PTK2: variants seen among roughly 807,000 people sequenced by gnomAD.
PTK2 encodes the protein protein tyrosine kinase 2.
Under a neutral mutation model 150.1 loss-of-function variants are expected in PTK2, and 45 were observed. That is an observed-to-expected ratio of 0.30 (90% CI 0.24 to 0.38). The LOEUF is 0.38. Among genes scored for constraint, PTK2 ranks in the 10% least tolerant of loss-of-function variants. The probability of loss-of-function intolerance (pLI) is 1.00; values close to 1 mark genes in which losing one functional copy is unlikely to be tolerated. For missense variants in PTK2, 919 were observed against 1,307.3 expected, an observed-to-expected ratio of 0.70 and a Z score of 4.58; for synonymous variants, 432 against 449.2, an observed-to-expected ratio of 0.96 and a Z score of 0.48.
intron 4 of PTK2, among the ~76,000 whole-genome samples, chr8:140,874,748 C>T (rs1397792062): frequency 6.6e-6 from 1 of 152,104 alleles, no homozygotes; most frequent in Non-Finnish European, 1.5e-5. Context: ...ACACAGTAAA[C>T]AACATGTGTT....
chr8:140,820,841 T>G (rs1192966409), intron 8 of PTK2: 1 of 152,122 alleles, frequency 6.6e-6, no homozygotes, highest in African/African-American at 2.4e-5. Context: ...GGAAGATGGA[T>G]TAGGTGACCT....
chr8:140,661,255 G>A (rs930515410), intron 31 of PTK2, among the ~76,000 whole-genome samples: 7 of 152,184 alleles, frequency 4.6e-5, no homozygotes, highest in East Asian at 1.9e-4. Context: ...GGCTCTTGGC[G>A]GCAATGTGGA....
At chr8:140,960,686 T>C (rs1399912922) in intron 1 of PTK2, among the ~76,000 whole-genome samples, 1 of 152,112 alleles carries the variant, frequency 6.6e-6, no homozygotes, top group African/African-American at 2.4e-5. Flanking sequence ...ATCTTGTATT[T>C]AACGTATCAT....
Position 140,838,777 on chromosome 8 carries a change from C to T in PTK2, c.593+7483G>A, listed in dbSNP as rs190711863. Among the ~76,000 whole-genome samples, 688 of 152,164 alleles carry T rather than the reference C, an allele frequency of 4.5e-3. 4 individuals are homozygous for T. Among genetic ancestry groups the T allele is most frequent in the African/African-American group, 0.016 (648 of 41,544 alleles). ...AGCCCAGCACTTTGGGAGGCCGAGGCGGGCGGATCACAAGGTCAGGAGATC... is the reference window on the plus strand; with the variant it reads ...AGCCCAGCACTTTGGGAGGCCGAGGTGGGCGGATCACAAGGTCAGGAGATC... On this transcript the variant is annotated intron_variant, in intron 7 of 31. Coordinates refer to ENST00000522684, the Ensembl canonical transcript of PTK2.
intron 1 of PTK2, chr8:141,000,914 A>T (rs1197177865): frequency 6.8e-6 from 1 of 146,274 alleles, no homozygotes; most frequent in Admixed American, 6.7e-5. Flanking sequence ...GAGGGCCCCC[A>T]ACCTCCTCAC....
chr8:140,800,405 C>T, intron 12 of PTK2, 54 bp downstream of exon 12: 1 of 1,409,554 alleles, frequency 7.1e-7, no homozygotes, highest in Non-Finnish European at 1.0e-6. Flanking sequence ...GGGGCAAGCA[C>T]AGCTAAATAT....
intron 5 of PTK2, among the ~76,000 whole-genome samples, chr8:140,858,415 A>G (rs776860395): frequency 2.9e-4 from 44 of 151,580 alleles, no homozygotes; most frequent in Admixed American, 1.3e-4. Flanking sequence ...GACACAGATC[A>G]AGCAAGGGCA....
intron 1 of PTK2, among the ~76,000 whole-genome samples, chr8:140,951,095 G>A (rs2100179415): frequency 6.6e-6 from 1 of 151,978 alleles, no homozygotes; most frequent in Non-Finnish European, 1.5e-5. Flanking sequence ...TTGCAGAAGG[G>A]TCTCAGGGAG....
chr8:140,700,893 G>C, exon 26 of PTK2: 1 of 1,613,840 alleles, frequency 6.2e-7, no homozygotes, highest in Non-Finnish European at 8.5e-7. Flanking sequence ...ACAATTACCA[G>C]AAATCTTTCC....
chr8:140,871,733 G>C (rs1306072733), intron 4 of PTK2, among the ~76,000 whole-genome samples: 1 of 152,126 alleles, frequency 6.6e-6, no homozygotes, highest in Admixed American at 6.5e-5. Context: ...TTAAAAATTA[G>C]TTGAGTGTGA....
chr8:140,960,187 CTTTTTTTTTTTTTT>C (rs371999950), intron 1 of PTK2, among the ~76,000 whole-genome samples: 2 of 72,348 alleles, frequency 2.8e-5, no homozygotes, highest in Admixed American at 2.1e-4. Flanking sequence ...CAATTTTAAA[CTTTTTTTTTTTTTT>C]TTTTTTTTTT....
At chr8:140,747,016 G>A (rs201047819) in intron 17 of PTK2, 156 bp from the exon 21 acceptor site, 14 of 549,222 alleles carry the variant, frequency 2.5e-5, no homozygotes, top group Middle Eastern at 1.0e-3. Context: ...TCAGCCTCCC[G>A]AGTAGCTGGG....
At chr8:140,917,935 C>T (rs1409667447) in intron 2 of PTK2, among the ~76,000 whole-genome samples, 1 of 152,182 alleles carries the variant, frequency 6.6e-6, no homozygotes, top group African/African-American at 2.4e-5. Flanking sequence ...GTAATTTTTG[C>T]ATTTTAATGT....
intron 22 of PTK2, among the ~76,000 whole-genome samples, chr8:140,730,365 GAATAACATGGATT>G (rs1402298602): frequency 6.6e-6 from 1 of 152,080 alleles, no homozygotes; most frequent in Non-Finnish European, 1.5e-5. Flanking sequence ...ATAACTACAC[GAATAACATGGATT>G]AATCCCACAA....
chr8:140,744,565 AG>A, intron 19 of PTK2, 86 bp downstream of exon 22: 1 of 724,646 alleles, frequency 1.4e-6, no homozygotes, highest in Admixed American at 2.8e-5. Context: ...TGGATCCAAA[AG>A]GGTCCAAAGA....
intron 1 of PTK2, among the ~76,000 whole-genome samples, chr8:140,968,368 C>T (rs2100186033): frequency 6.6e-6 from 1 of 151,924 alleles, no homozygotes; most frequent in African/African-American, 2.4e-5. Flanking sequence ...TTATGAACAT[C>T]GAGTTGATCC....
At chr8:140,666,073 C>G (rs959630560) in intron 30 of PTK2, among the ~76,000 whole-genome samples, 1 of 152,244 alleles carries the variant, frequency 6.6e-6, no homozygotes, top group African/African-American at 2.4e-5. Context: ...CGCAGTGGCT[C>G]ATGCCTGTAA....
intron 30 of PTK2, among the ~76,000 whole-genome samples, chr8:140,665,473 C>A (rs533602875): frequency 1.5e-4 from 23 of 152,310 alleles, no homozygotes; most frequent in African/African-American, 5.3e-4. Context: ...TGCAAGGGGG[C>A]AGCCTTGCTT....
chr8:140,747,130 T>C (rs1382821493), intron 17 of PTK2: 2 of 272,090 alleles, frequency 7.4e-6, no homozygotes, highest in East Asian at 9.1e-5. Flanking sequence ...GACCTCATGA[T>C]CTACCCGCCT....
Sources: allele counts gnomAD v4.1 joint callset (sites outside exome capture counted in the v4.1 genomes callset), GRCh38; gene constraint gnomAD v4.1.1; transcripts MANE v1.5; gene names NCBI Gene and HGNC (gene_info 2026-07-23, HGNC 2026-07-21).